The following APC2 variants were observed in gnomAD, a reference collection of about 807,000 sequenced individuals.
The protein encoded by APC2 is adenomatous polyposis coli protein 2.
Under a neutral mutation model 72.5 loss-of-function variants are expected in APC2, and 41 were observed. The ratio of observed to expected loss-of-function variants is 0.57; its 90% CI spans 0.44 to 0.73. APC2 has a LOEUF of 0.73. APC2 is among the 30% of genes least tolerant of loss of function. The pLI is 0.00. For synonymous variants in APC2, 1,898 were observed against 1,612.0 expected (o/e 1.18, Z -4.25); for missense variants, 3,729 against 3,403.4 (o/e 1.10, Z -2.38).
chr19:1,449,225 G>GA (rs142171936), upstream of APC2, among the ~76,000 whole-genome samples: 2 of 152,120 alleles, frequency 1.3e-5, no homozygotes, highest in South Asian at 2.1e-4. Flanking sequence ...GCCCAGCACG[G>GA]AAAAAAATCA....
In APC2 at chr19:1,450,195, G is replaced by T. The variant is rs924885629; in HGVS notation, c.-162G>T. The stretch of plus-strand genomic sequence containing the variant: ...CGGACCGGGCTTTGTCCGCCCCGGA[G>T]CCCCTGCCCGCGCCGCGGAGACCCC... On this transcript the variant is annotated 5_prime_UTR_variant, in exon 1 of 15. Coordinates refer to ENST00000590469, the MANE Select transcript of APC2 (RefSeq NM_005883.3). 2.0e-6 allele frequency: 2 copies of T among 985,286 alleles called. No homozygotes were observed. Among genetic ancestry groups the T allele is most frequent in the Non-Finnish European group, 2.4e-6 (2 of 829,876 alleles). The allele number at this position is 985,286 out of a possible 1,614,324, so 61.0% of individuals were successfully genotyped here.
In APC2 at chr19:1,466,502, G is replaced by A. The variant is rs1267690273; in HGVS notation, c.3201G>A (p.Leu1067=). The change falls in exon 15 of 15, where the codon CTG becomes CTA. Residue 1067 remains leucine, a synonymous_variant. Coordinates refer to ENST00000590469, the MANE Select transcript of APC2 (RefSeq NM_005883.3). ...KLAAQEGPLS[L]SRCSSLSSLS... ...CGGCGCAAGAGGGGCCACTCTCGCT[G>A]TCCCGATGCAGCTCCCTTTCCTCGC... is the stretch of plus-strand genomic sequence containing the variant. 1 of 1,597,172 alleles carries A rather than the reference G, an allele frequency of 6.3e-7. No individual in the cohort carries two copies. The highest frequency in any genetic ancestry group is 1.1e-5 in the South Asian group (1 of 90,756).
In APC2 at chr19:1,470,314, G is replaced by A. The variant is rs2084113651; in HGVS notation, c.*101G>A. 1.4e-6 allele frequency: 2 copies of A among 1,395,204 alleles called. No homozygotes were observed. The highest frequency in any genetic ancestry group is 1.5e-5 in the African/African-American group (1 of 66,344). 86.4% of individuals were successfully genotyped at this position (1,395,204 alleles called of 1,614,324 possible). On this transcript the variant is annotated 3_prime_UTR_variant, in exon 15 of 15. Coordinates refer to ENST00000590469, the MANE Select transcript of APC2 (RefSeq NM_005883.3). ...TAGACGTCCCCCATAGGTCGCCCCA[G>A]GGCCTCTGCCCACCCGAGCCCCACC...
chr19:1,448,544 T>TAA (rs547873034), upstream of APC2, among the ~76,000 whole-genome samples: 71 of 82,696 alleles, frequency 8.6e-4, no homozygotes, highest in African/African-American at 2.2e-3. Flanking sequence ...AGACCCCATC[T>TAA]AAAAAAAAAA....
At chr19:1,450,988 TCCTG>T (rs1486004645) in intron 1 of APC2, among the ~76,000 whole-genome samples, 2 of 152,086 alleles carry the variant, frequency 1.3e-5, no homozygotes, top group Non-Finnish European at 2.9e-5. Context: ...TCGGAGCGTA[TCCTG>T]AGGGCACTGG....
chr19:1,458,827 G>A (rs556899395), intron 10 of APC2, among the ~76,000 whole-genome samples: 16 of 152,014 alleles, frequency 1.1e-4, no homozygotes, highest in African/African-American at 3.6e-4. Flanking sequence ...GGGATTACAG[G>A]TGCCCGCCCC....
chr19:1,448,863 A>G (rs1213037413), upstream of APC2, among the ~76,000 whole-genome samples: 4 of 149,776 alleles, frequency 2.7e-5, no homozygotes, highest in South Asian at 6.3e-4. Flanking sequence ...AAAAAGAAAA[A>G]AAAGAAAAAG....
upstream of APC2, among the ~76,000 whole-genome samples, chr19:1,447,161 G>A (rs539075732): frequency 6.6e-6 from 1 of 152,276 alleles, no homozygotes; most frequent in South Asian, 2.1e-4. Context: ...CTCCTCACCG[G>A]TCAGGGCTCT....
In APC2 at chr19:1,470,194, C is replaced by T; in HGVS notation, c.6893C>T (p.Ser2298Phe). 1 of 1,597,862 alleles carries T rather than the reference C, an allele frequency of 6.3e-7. No homozygotes were observed. The highest frequency in any genetic ancestry group is 8.5e-7 in the Non-Finnish European group (1 of 1,174,356). Residue 2298 changes from serine (S) to phenylalanine (F), a missense_variant, in exon 15 of 15, where the codon TCC becomes TTC. By Grantham distance (155) the Ser-to-Phe change is radical (BLOSUM62 -2). Transcript: ENST00000590469. ...GCGGAGAAAGCCCCGGCCACTGCCTCCGCCACCCTCCTGGAATAGTGGCCT... is the reference window on the plus strand; with the variant it reads ...GCGGAGAAAGCCCCGGCCACTGCCTTCGCCACCCTCCTGGAATAGTGGCCT... ...SAAEKAPATA[S>F]ATLLE
chr19:1,467,851 A>G lies in APC2; in HGVS notation c.4550A>G (p.Glu1517Gly). 1 of 1,540,096 alleles carries G rather than the reference A, an allele frequency of 6.5e-7. No individual in the cohort carries two copies. Residue 1517 changes from glutamate to glycine, a missense_variant, in exon 15 of 15, where the codon GAG (glutamate) becomes GGG (glycine). Glu to Gly is a moderately conservative substitution (Grantham distance 98, BLOSUM62 -2). Transcript: ENST00000590469. ...YCFYGNDSDE[E>G]PPAAAPTPTH... ...TTCTACGGCAACGACTCGGACGAGG[A>G]GCCCCCGGCGGCCGCGCCCACGCCA...
At chr19:1,463,143 C>T (rs999533909) in intron 14 of APC2, among the ~76,000 whole-genome samples, 23 of 150,912 alleles carry the variant, frequency 1.5e-4, no homozygotes, top group Non-Finnish European at 3.0e-4. Context: ...AGGTGTGGGC[C>T]GGGCGTGGTG....
rs538751054 is a variant in APC2, at chr19:1,463,093, T to C, written c.1853+916T>C. ...GAGTTCAAGATCAGCCTGACCAACA[T>C]GGAGAAACCCTGTCTCTACTAAAAA... On this transcript the variant is annotated intron_variant, in intron 14 of 14. Coordinates refer to ENST00000590469, the MANE Select transcript of APC2 (RefSeq NM_005883.3). Among the ~76,000 whole-genome samples the C allele has an allele frequency of 2.0e-5, 3 of 151,338 alleles. No homozygotes were observed. The East Asian group carries it at 5.9e-4, about 30-fold the overall frequency.
In APC2 at chr19:1,469,195, C is replaced by T. The variant is rs1038929926; in HGVS notation, c.5894C>T (p.Ala1965Val). The change falls in exon 15 of 15, where the codon GCG becomes GTG. Residue 1965 changes from alanine to valine, a missense_variant. By Grantham distance (64) the Ala-to-Val change is moderately conservative (BLOSUM62 0). Coordinates refer to ENST00000590469, the MANE Select transcript of APC2 (RefSeq NM_005883.3). ...GCGGGGACCGAGGCGGGCCCGGGGG[C>T]GCGCGGGGGCCGCCTGGGCCTGGTG... is the stretch of plus-strand genomic sequence containing the variant. ...GRAGTEAGPG[A>V]RGGRLGLVRV... 5.4e-6 allele frequency: 7 copies of T among 1,304,154 alleles called. No homozygotes were observed. The highest frequency in any genetic ancestry group is 1.9e-5 in the South Asian group (1 of 51,910). The allele number at this position is 1,304,154 out of a possible 1,614,324, so 80.8% of individuals were successfully genotyped here.
In APC2 at chr19:1,457,008, C is replaced by G. The variant is rs781037694; in HGVS notation, c.972C>G (p.Thr324=). The change falls in exon 9 of 15, where the codon ACC becomes ACG. Residue 324 remains threonine (T), a synonymous_variant. Coordinates refer to ENST00000590469, the MANE Select transcript of APC2 (RefSeq NM_005883.3). Reference sequence around the variant, plus strand: ...TGCTGCTGCAAATCCTCCACGGCACCGAGGCCGCGGCCGGGGGTCGCGCCG... The same window carrying G: ...TGCTGCTGCAAATCCTCCACGGCACGGAGGCCGCGGCCGGGGGTCGCGCCG... The part of the protein sequence containing the change: ...LPLLLQILHG[T]EAAAGGRAGA... 1.3e-6 allele frequency: 2 copies of G among 1,529,512 alleles called. No individual in the cohort carries two copies. Among genetic ancestry groups the G allele is most frequent in the Non-Finnish European group, 1.7e-6 (2 of 1,144,392 alleles). 94.7% of individuals were successfully genotyped at this position (1,529,512 alleles called of 1,614,324 possible).
rs770103449 is a variant in APC2, at chr19:1,468,494, G to A, written c.5193G>A (p.Gln1731=). 1.1e-5 allele frequency: 17 copies of A among 1,604,812 alleles called. No individual in the cohort carries two copies. The South Asian group carries it at 1.5e-4, about 15-fold the overall frequency. The change falls in exon 15 of 15, where the codon CAG becomes CAA. Residue 1731 remains glutamine, a synonymous_variant. Transcript: ENST00000590469. ...VSGLSVGSTL[Q]PPKHRKGRQA... ...GGCTGTCAGTGGGATCCACCCTACA[G>A]CCCCCCAAGCACAGGAAGGGACGAC...
rs780735059 is a variant in APC2 at position 1,467,085 on chromosome 19, C to A, written c.3784C>A (p.Arg1262Ser). Residue 1262 changes from arginine (R) to serine (S), a missense_variant, in exon 15 of 15, where the codon CGC becomes AGC. Arg to Ser is a moderately radical substitution (Grantham distance 110). Transcript: ENST00000590469. ...ATCTGAGCTGGACGCAGGCAGCGTG[C>A]GCTTTACCGTGGAGAAGCCAGACGA... ...LPSELDAGSV[R>S]FTVEKPDENF... 5 of 1,609,800 alleles carry A rather than the reference C, an allele frequency of 3.1e-6. No individual in the cohort carries two copies. The East Asian group carries it at 8.9e-5, about 29-fold the overall frequency.
At chr19:1,463,913 G>A (rs1411399195) in intron 14 of APC2, among the ~76,000 whole-genome samples, 2 of 152,090 alleles carry the variant, frequency 1.3e-5, no homozygotes, top group African/African-American at 2.4e-5. Context: ...GGTGGCTCAC[G>A]CCTGTAATCC....
In APC2 at chr19:1,452,555, G is replaced by T. The variant is rs1216753410; in HGVS notation, c.-18-429G>T. On this transcript the variant is annotated intron_variant, in intron 1 of 14. Coordinates refer to ENST00000590469, the MANE Select transcript of APC2 (RefSeq NM_005883.3). This position sits in a 1 kb window ranked among gnomAD's most constrained non-coding sequence, Gnocchi z 5.1. ...GGGGGAGGGTCCTGTCTGTCTGTCT[G>T]TCGCCCTCTCTGGCTGTGAGCCTGG... The T allele has an allele frequency of 5.7e-6, 1 of 175,136 alleles. No homozygotes were observed. Among genetic ancestry groups the T allele is most frequent in the Admixed American group, 5.8e-5 (1 of 17,284 alleles). The allele number at this position is 175,136 out of a possible 1,614,324, so 10.8% of individuals were successfully genotyped here.
chr19:1,446,806 A>T (rs948570581), upstream of APC2, among the ~76,000 whole-genome samples: 7 of 151,740 alleles, frequency 4.6e-5, no homozygotes, highest in Non-Finnish European at 8.8e-5. The surrounding 1 kb of genome is among the most constrained non-coding windows in gnomAD (Gnocchi z 6.1). Context: ...GCCTGCTTTG[A>T]CGTTCGCCGC....
Sources: allele counts gnomAD v4.1 joint callset (sites outside exome capture counted in the v4.1 genomes callset), GRCh38; gene constraint gnomAD v4.1.1; non-coding constraint Gnocchi (gnomAD v3.1); transcripts MANE v1.5; gene names NCBI Gene and HGNC (gene_info 2026-07-23, HGNC 2026-07-21).